Variants in GNA13 observed in about 807,000 individuals in gnomAD.
GNA13 encodes guanine nucleotide-binding protein subunit alpha-13.
GNA13 carries 4 observed loss-of-function variants against 33.5 expected under a neutral mutation model. That is an observed-to-expected ratio of 0.12 (90% CI 0.06 to 0.27). The LOEUF is 0.27. Among genes scored for constraint, GNA13 ranks in the 10% least tolerant of loss-of-function variants. The pLI is 1.00. For synonymous variants in GNA13, 176 were observed against 183.8 expected, an observed-to-expected ratio of 0.96 and a Z score of 0.34; for missense variants, 319 against 487.2, an observed-to-expected ratio of 0.65 and a Z score of 3.25.
Position 65,054,664 on chromosome 17 carries a change from T to C in GNA13, c.284-936A>G, listed in dbSNP as rs1907974124. ...TGTCAACTTGAAAAAACTAGATTCC[T>C]GATGACTTACATCATCTCATAATCA... On this transcript the variant is annotated intron_variant, in intron 1 of 3. Coordinates refer to ENST00000439174, the MANE Select transcript of GNA13 (RefSeq NM_006572.6). Among the ~76,000 whole-genome samples the C allele has an allele frequency of 2.6e-5, 4 of 152,208 alleles. No homozygotes were observed. In the South Asian group the frequency reaches 8.3e-4, roughly 32 times the overall value.
At position 65,031,892 on chromosome 17, in the gene GNA13, G is replaced by GAC. The variant is rs777048043; in HGVS notation, c.511-13590_511-13589insGT. On this transcript the variant is annotated intron_variant, in intron 2 of 3. Transcript: ENST00000439174. ...AGAGAGAGAGAGAGAGAGAGAGAGA[G>GAC]AGAAAGAGAGAGAGAGAGAGAGAGA... Among the ~76,000 whole-genome samples the GAC allele has an allele frequency of 1.5e-4, 16 of 105,804 alleles. No individual in the cohort carries two copies. In the South Asian group the frequency reaches 1.6e-3, roughly 11 times the overall value. The allele number at this position is 105,804 out of a possible 152,430, so 69.4% of individuals were successfully genotyped here.
chr17:65,027,682 G>GT lies in GNA13; in HGVS notation c.511-9380dup, dbSNP rs575486855. Among the ~76,000 whole-genome samples, 215 of 152,236 alleles carry GT rather than the reference G, an allele frequency of 1.4e-3. 1 individual carries two copies. The highest frequency in any genetic ancestry group is 4.9e-3 in the African/African-American group (202 of 41,542). ...TAATATATATGTTTGAAAAAAGTGAGTATCACAGAATTGGACTCTCTTTGA... is the reference window on the plus strand; with the variant it reads ...TAATATATATGTTTGAAAAAAGTGAGTTATCACAGAATTGGACTCTCTTTGA... On this transcript the variant is annotated intron_variant, in intron 2 of 3. Transcript: ENST00000439174.
chr17:65,047,136 T>C (rs1907694352), intron 2 of GNA13, among the ~76,000 whole-genome samples: 1 of 152,202 alleles, frequency 6.6e-6, no homozygotes, highest in South Asian at 2.1e-4. Flanking sequence ...TAAATAAACA[T>C]AAAGCTCTGG....
At chr17:65,021,370 C>T (rs1906577995) in intron 2 of GNA13, among the ~76,000 whole-genome samples, 2 of 152,174 alleles carry the variant, frequency 1.3e-5, no homozygotes, top group South Asian at 4.1e-4. Flanking sequence ...CCCCACTTCA[C>T]AACAATAATT....
chr17:65,044,344 T>C (rs1170910147), intron 2 of GNA13, among the ~76,000 whole-genome samples: 2 of 152,140 alleles, frequency 1.3e-5, no homozygotes, highest in African/African-American at 4.8e-5. Flanking sequence ...TTCTTTTGAA[T>C]AAAAGGCATC....
At chr17:65,056,225 C>A (rs7502731) in intron 1 of GNA13, 86 bp downstream of exon 1, 2 of 1,156,976 alleles carry the variant, frequency 1.7e-6, no homozygotes, top group East Asian at 5.7e-5. Flanking sequence ...AGCGACACAG[C>A]GGACCAGGGC....
At chr17:65,015,036 G>A (rs1906314010) in intron 3 of GNA13, among the ~76,000 whole-genome samples, 1 of 151,608 alleles carries the variant, frequency 6.6e-6, no homozygotes, top group Non-Finnish European at 1.5e-5. Context: ...GGAGGCTGAG[G>A]CAGGAGGATC....
intron 2 of GNA13, among the ~76,000 whole-genome samples, chr17:65,034,440 A>C (rs536548642): frequency 6.6e-6 from 1 of 151,542 alleles, no homozygotes; most frequent in Non-Finnish European, 1.5e-5. Context: ...CTGGGACTAC[A>C]GACACCCGCC....
chr17:65,056,249 G>A (rs111334463), intron 1 of GNA13, 62 bp downstream of exon 1: 3 of 774,824 alleles, frequency 3.9e-6, no homozygotes, highest in Non-Finnish European at 5.9e-6. Context: ...GCCCCGCCCC[G>A]CACCCGCCGC....
At position 65,009,333 on chromosome 17, in the gene GNA13, A is replaced by G. The variant is rs997724414; in HGVS notation, c.*4924T>C. Among the ~76,000 whole-genome samples, 1 of 152,248 alleles carries G rather than the reference A, an allele frequency of 6.6e-6. No homozygotes were observed. The highest frequency in any genetic ancestry group is 2.4e-5 in the African/African-American group (1 of 41,464). The stretch of plus-strand genomic sequence containing the variant: ...TTATTAAATGTCAGTAATTTTTACA[A>G]AGCAAATATTAATAGCAAGAGGCAA... On this transcript the variant is annotated 3_prime_UTR_variant, in exon 4 of 4. Coordinates refer to ENST00000439174, the MANE Select transcript of GNA13 (RefSeq NM_006572.6).
Position 65,014,011 on chromosome 17 carries a change from T to C in GNA13, c.*246A>G, listed in dbSNP as rs900966576. On this transcript the variant is annotated 3_prime_UTR_variant, in exon 4 of 4. Transcript: ENST00000439174. This position sits in a 1 kb window ranked among gnomAD's most constrained non-coding sequence, Gnocchi z 5.3. ...CTGAGGTCAGCTGGGAGGTTTTAACTGGACTTGAATAGAAGCCATGGTGAA... is the reference window on the plus strand; with the variant it reads ...CTGAGGTCAGCTGGGAGGTTTTAACCGGACTTGAATAGAAGCCATGGTGAA... 2.2e-6 allele frequency: 1 copy of C among 456,136 alleles called. No individual in the cohort carries two copies. The highest frequency in any genetic ancestry group is 1.9e-5 in the African/African-American group (1 of 51,460). 28.3% of individuals were successfully genotyped at this position (456,136 alleles called of 1,614,324 possible).
intron 2 of GNA13, among the ~76,000 whole-genome samples, chr17:65,043,287 A>G (rs1310612934): frequency 5.2e-5 from 3 of 57,566 alleles, no homozygotes; most frequent in Admixed American, 3.0e-4. Flanking sequence ...GAACATGTTT[A>G]TTAATTTTTT....
At chr17:65,031,747 TA>T (rs1159771419) in intron 2 of GNA13, among the ~76,000 whole-genome samples, 1 of 152,040 alleles carries the variant, frequency 6.6e-6, no homozygotes, top group African/African-American at 2.4e-5. Flanking sequence ...AACTTGCTTT[TA>T]AAAGAGACCT....
intron 2 of GNA13, among the ~76,000 whole-genome samples, chr17:65,045,865 A>T (rs1907640700): frequency 6.6e-6 from 1 of 152,218 alleles, no homozygotes; most frequent in Non-Finnish European, 1.5e-5. Context: ...AATTATTTGT[A>T]TGTATGGGTG....
At chr17:65,051,415 A>G (rs1907853694) in intron 2 of GNA13, among the ~76,000 whole-genome samples, 1 of 152,200 alleles carries the variant, frequency 6.6e-6, no homozygotes, top group African/African-American at 2.4e-5. Flanking sequence ...CAGGAGTTAG[A>G]GACCAGCTTG....
intron 2 of GNA13, among the ~76,000 whole-genome samples, chr17:65,036,251 T>G (rs1567823484): frequency 6.6e-6 from 1 of 152,216 alleles, no homozygotes; most frequent in Non-Finnish European, 1.5e-5. Context: ...AGCTGATGAA[T>G]GTGAAAATTA....
chr17:65,056,150 G>C (rs1294614496), intron 1 of GNA13, among the ~76,000 whole-genome samples, 161 bp downstream of exon 1: 1 of 151,802 alleles, frequency 6.6e-6, no homozygotes, highest in Non-Finnish European at 1.5e-5. Context: ...CCCCGGGCGG[G>C]CAGGGCCAGT....
chr17:65,031,921 A>AGAGTGTGT (rs770161529), intron 2 of GNA13, among the ~76,000 whole-genome samples: 91 of 91,594 alleles, frequency 9.9e-4, no homozygotes, highest in South Asian at 1.6e-3. Context: ...AGAGAGAGAG[A>AGAGTGTGT]GTGTGTGTGT....
chr17:65,038,723 C>T (rs557987989), intron 2 of GNA13, among the ~76,000 whole-genome samples: 52 of 152,250 alleles, frequency 3.4e-4, no homozygotes, highest in African/African-American at 1.2e-3. Flanking sequence ...CACCGTGCCC[C>T]GCCCAAAAAT....
Sources: allele counts gnomAD v4.1 joint callset (sites outside exome capture counted in the v4.1 genomes callset), GRCh38; gene constraint gnomAD v4.1.1; non-coding constraint Gnocchi (gnomAD v3.1); transcripts MANE v1.5; gene names NCBI Gene and HGNC (gene_info 2026-07-23, HGNC 2026-07-21).